LRP1B: variants seen among roughly 807,000 people sequenced by gnomAD.
The protein encoded by LRP1B is low-density lipoprotein receptor-related protein 1B.
LRP1B carries 217 observed loss-of-function variants against 556.6 expected under a neutral mutation model. That is an observed-to-expected ratio of 0.39 (90% CI 0.35 to 0.44). The LOEUF is 0.44. LRP1B is among the 20% of genes least tolerant of loss of function. LRP1B has a pLI of 1.00. For missense variants in LRP1B, 5,053 were observed against 5,620.8 expected (o/e 0.90, Z 3.23); for synonymous variants, 2,047 against 1,865.8 (o/e 1.10, Z -2.50).
At chr2:140,510,146 CAGA>C (rs1168887646) in intron 51 of LRP1B, 90 bp from the exon 52 acceptor site, 39 of 1,411,804 alleles carry the variant, frequency 2.8e-5, no homozygotes, top group Admixed American at 6.0e-5. Flanking sequence ...AGGGGGGAAG[CAGA>C]AGAATGTTGC....
At chr2:141,735,791 C>G (rs2105528597) in intron 2 of LRP1B, among the ~76,000 whole-genome samples, 1 of 152,094 alleles carries the variant, frequency 6.6e-6, no homozygotes, top group South Asian at 2.1e-4. Flanking sequence ...AGAAACCTAG[C>G]AAGAGCAGCA....
intron 2 of LRP1B, among the ~76,000 whole-genome samples, chr2:141,701,978 G>A (rs1487082824): frequency 6.6e-6 from 1 of 151,860 alleles, no homozygotes; most frequent in East Asian, 1.9e-4. Flanking sequence ...TAGACTGCAA[G>A]AAATTATGCT....
Position 141,023,945 on chromosome 2 carries a change from C to T in LRP1B, c.1790-3843G>A, listed in dbSNP as rs577111940. 2.2e-3 allele frequency among the ~76,000 whole-genome samples: 336 copies of T among 152,086 alleles called. 2 individuals carry two copies. The highest frequency in any genetic ancestry group is 3.8e-3 in the Non-Finnish European group (258 of 67,970). On this transcript the variant is annotated intron_variant, in intron 11 of 90. Coordinates refer to ENST00000389484, the MANE Select transcript of LRP1B (RefSeq NM_018557.3). ...CGTGAGTACAGAGTATGGTAAAGTGCTTTAAATAATTAAGTCTGCATCATG... is the reference window on the plus strand; with the variant it reads ...CGTGAGTACAGAGTATGGTAAAGTGTTTTAAATAATTAAGTCTGCATCATG...
At chr2:140,346,231 C>T (rs895747011) in intron 77 of LRP1B, among the ~76,000 whole-genome samples, 6 of 151,604 alleles carry the variant, frequency 4.0e-5, no homozygotes, top group African/African-American at 1.2e-4. Context: ...AAATGCTACA[C>T]TTTTTGATTA....
intron 11 of LRP1B, among the ~76,000 whole-genome samples, chr2:141,047,291 G>T (rs886711420): frequency 7.2e-5 from 11 of 152,084 alleles, no homozygotes; most frequent in African/African-American, 2.6e-4. Context: ...AATTATGCAG[G>T]ATTTACGTTG....
chr2:141,297,246 G>C (rs887523891), intron 3 of LRP1B, among the ~76,000 whole-genome samples: 5 of 152,170 alleles, frequency 3.3e-5, no homozygotes, highest in South Asian at 2.1e-4. Context: ...GGGTTGAATA[G>C]TATAGTGAGA....
At chr2:140,460,525 G>T (rs1281635333) in intron 60 of LRP1B, among the ~76,000 whole-genome samples, 1 of 152,108 alleles carries the variant, frequency 6.6e-6, no homozygotes. Flanking sequence ...TAAGAGAAAA[G>T]TTATATGACC....
At chr2:140,811,669 T>C (rs1690929812) in intron 32 of LRP1B, among the ~76,000 whole-genome samples, 1 of 152,152 alleles carries the variant, frequency 6.6e-6, no homozygotes, top group Non-Finnish European at 1.5e-5. Context: ...ATTTAAACTC[T>C]GCTTATTTTT....
chr2:141,103,522 T>TTCTCTCTCTCTC (rs61008140), intron 7 of LRP1B, among the ~76,000 whole-genome samples: 18 of 149,142 alleles, frequency 1.2e-4, no homozygotes, highest in African/African-American at 3.9e-4. Flanking sequence ...AGCACACACA[T>TTCTCTCTCTCTC]TCTCTCTCTC....
chr2:141,371,734 T>C (rs1689237275), intron 3 of LRP1B, among the ~76,000 whole-genome samples: 1 of 152,230 alleles, frequency 6.6e-6, no homozygotes, highest in Admixed American at 6.5e-5. Context: ...GAAATCTTAC[T>C]GTATTCACTT....
chr2:140,516,802 G>T, intron 50 of LRP1B, 87 bp downstream of exon 50: 1 of 1,201,136 alleles, frequency 8.3e-7, no homozygotes, highest in Non-Finnish European at 1.2e-6. Context: ...AGCTGACAAT[G>T]TTTTGTATAA....
At chr2:141,731,437 T>A (rs1394618299) in intron 2 of LRP1B, among the ~76,000 whole-genome samples, 1 of 152,164 alleles carries the variant, frequency 6.6e-6, no homozygotes, top group Non-Finnish European at 1.5e-5. Flanking sequence ...TTTAATTAGA[T>A]GTAAAAATTG....
intron 2 of LRP1B, among the ~76,000 whole-genome samples, chr2:141,640,387 T>G (rs915922802): frequency 1.3e-5 from 2 of 152,220 alleles, no homozygotes; most frequent in Non-Finnish European, 2.9e-5. Flanking sequence ...GATGCCCAAA[T>G]CTAATTTTCT....
At chr2:141,428,232 T>C (rs868528309) in intron 3 of LRP1B, among the ~76,000 whole-genome samples, 3 of 152,206 alleles carry the variant, frequency 2.0e-5, no homozygotes, top group Non-Finnish European at 4.4e-5. Context: ...AGCTTTCTGA[T>C]TGAATTGTGA....
intron 2 of LRP1B, among the ~76,000 whole-genome samples, chr2:141,551,108 T>G (rs1320368451): frequency 1.3e-5 from 2 of 152,068 alleles, no homozygotes; most frequent in Non-Finnish European, 2.9e-5. Flanking sequence ...GTCTGCAACC[T>G]TAGTAACTCT....
intron 3 of LRP1B, among the ~76,000 whole-genome samples, chr2:141,467,370 G>T (rs1682272990): frequency 1.3e-5 from 2 of 152,006 alleles, no homozygotes; most frequent in Non-Finnish European, 2.9e-5. Context: ...TATAGAATCT[G>T]TTAGAAGGAA....
chr2:142,056,215 A>C (rs775098856), intron 1 of LRP1B, among the ~76,000 whole-genome samples: 8 of 152,150 alleles, frequency 5.3e-5, no homozygotes, highest in South Asian at 2.1e-4. Flanking sequence ...TTTATCTCCA[A>C]CAAGAAAACA....
chr2:140,947,390 T>C (rs1247548656), intron 20 of LRP1B, among the ~76,000 whole-genome samples: 1 of 152,212 alleles, frequency 6.6e-6, no homozygotes, highest in South Asian at 2.1e-4. Flanking sequence ...TGCTTATCCA[T>C]GCAGTGTAAA....
At chr2:141,165,875 A>C (rs1412166213) in intron 7 of LRP1B, among the ~76,000 whole-genome samples, 1 of 152,062 alleles carries the variant, frequency 6.6e-6, no homozygotes, top group Non-Finnish European at 1.5e-5. Context: ...TATTGTAGCT[A>C]TTAGAATGTT....
Sources: gnomAD v4.1 joint callset for allele counts (sites outside exome capture counted in the v4.1 genomes callset) on GRCh38, gnomAD v4.1.1 for gene constraint, MANE v1.5 for transcripts, NCBI Gene and HGNC (gene_info 2026-07-23, HGNC 2026-07-21) for gene names.